CAMKMT: variants seen among roughly 807,000 people sequenced by gnomAD.
CAMKMT encodes the protein CaM KMT.
In CAMKMT, 53 loss-of-function variants were observed where a neutral mutation model predicts 48.0. That is an observed-to-expected ratio of 1.10 (90% confidence interval 0.89 to 1.39). The LOEUF is 1.39. Among genes scored for constraint, CAMKMT ranks in the 40% most tolerant of loss-of-function variants. CAMKMT has a pLI of 0.00. For synonymous variants in CAMKMT, 165 were observed against 152.3 expected, an observed-to-expected ratio of 1.08 and a Z score of -0.61; for missense variants, 428 against 402.7, an observed-to-expected ratio of 1.06 and a Z score of -0.54.
At chr2:44,636,823 C>T (rs1329365119) in intron 3 of CAMKMT, among the ~76,000 whole-genome samples, 1 of 152,082 alleles carries the variant, frequency 6.6e-6, no homozygotes, top group East Asian at 1.9e-4. Flanking sequence ...TTGTTTTTGT[C>T]GGTTTCCCCC....
chr2:44,441,216 G>A (rs777344564), intron 3 of CAMKMT, among the ~76,000 whole-genome samples: 1 of 151,936 alleles, frequency 6.6e-6, no homozygotes, highest in Non-Finnish European at 1.5e-5. Flanking sequence ...CTTGAAGTTC[G>A]TGCCTTTTCA....
At chr2:44,498,420 G>A (rs975176890) in intron 3 of CAMKMT, among the ~76,000 whole-genome samples, 19 of 152,326 alleles carry the variant, frequency 1.2e-4, no homozygotes, top group Middle Eastern at 3.4e-3. Flanking sequence ...CTTTGCTAGA[G>A]TAAATATGAG....
chr2:44,383,857 T>A (rs1390948800), intron 2 of CAMKMT, among the ~76,000 whole-genome samples: 2 of 152,212 alleles, frequency 1.3e-5, no homozygotes, highest in Non-Finnish European at 2.9e-5. Flanking sequence ...TACCACAGTT[T>A]CTTTATCCAC....
rs1222158575 is a variant in CAMKMT at position 44,660,747 on chromosome 2, A to G, written c.377-43536A>G. ...CTCAGCTTCCTGAGTAGCTGGGACTATGGGCACACACTACCATGCCTGGCA... is the reference window on the plus strand; with the variant it reads ...CTCAGCTTCCTGAGTAGCTGGGACTGTGGGCACACACTACCATGCCTGGCA... On this transcript the variant is annotated intron_variant, in intron 3 of 10. Transcript: ENST00000378494. 2.6e-5 allele frequency among the ~76,000 whole-genome samples: 4 copies of G among 152,120 alleles called. No homozygotes were observed. In the East Asian group the frequency reaches 7.8e-4, roughly 29 times the overall value.
At chr2:44,624,058 G>T (rs1301491056) in intron 3 of CAMKMT, among the ~76,000 whole-genome samples, 1 of 152,112 alleles carries the variant, frequency 6.6e-6, no homozygotes, top group East Asian at 1.9e-4. Context: ...CCCAACTGTT[G>T]ATAAAACAAA....
At chr2:44,628,309 T>A (rs1287556520) in intron 3 of CAMKMT, among the ~76,000 whole-genome samples, 2 of 152,158 alleles carry the variant, frequency 1.3e-5, no homozygotes, top group African/African-American at 4.8e-5. Context: ...TTAAGGTTTA[T>A]CAATTTTATT....
chr2:44,566,074 A>G (rs1033851136), intron 3 of CAMKMT, among the ~76,000 whole-genome samples: 3 of 152,236 alleles, frequency 2.0e-5, no homozygotes, highest in African/African-American at 7.2e-5. Context: ...TCAATTAAAC[A>G]TTTGTAAAAA....
intron 3 of CAMKMT, among the ~76,000 whole-genome samples, chr2:44,478,927 C>T (rs1365728703): frequency 1.3e-5 from 2 of 152,136 alleles, no homozygotes; most frequent in Non-Finnish European, 2.9e-5. Context: ...TCTCGATCTC[C>T]TGACCTCGTG....
chr2:44,660,717 C>G (rs932302598), intron 3 of CAMKMT, among the ~76,000 whole-genome samples: 4 of 152,122 alleles, frequency 2.6e-5, no homozygotes, highest in Non-Finnish European at 2.9e-5. Context: ...AGGTGATCCT[C>G]TCACCTCAGC....
At chr2:44,660,507 A>T (rs974088574) in intron 3 of CAMKMT, among the ~76,000 whole-genome samples, 12 of 152,354 alleles carry the variant, frequency 7.9e-5, no homozygotes, top group African/African-American at 2.9e-4. Context: ...ACTAAGTTTT[A>T]AAAAATATGC....
At chr2:44,741,151 T>C (rs918325026) in intron 7 of CAMKMT, among the ~76,000 whole-genome samples, 6 of 152,254 alleles carry the variant, frequency 3.9e-5, no homozygotes, top group African/African-American at 1.2e-4. Flanking sequence ...CTTTGTGTTT[T>C]TAATCTCATT....
intron 3 of CAMKMT, among the ~76,000 whole-genome samples, chr2:44,461,365 A>G (rs1192239621): frequency 5.3e-5 from 8 of 152,194 alleles, no homozygotes; most frequent in Admixed American, 1.3e-4. Context: ...AGAAGGTACT[A>G]TTATTCCCAG....
At chr2:44,681,729 T>C (rs1474635297) in intron 3 of CAMKMT, among the ~76,000 whole-genome samples, 1 of 152,208 alleles carries the variant, frequency 6.6e-6, no homozygotes, top group African/African-American at 2.4e-5. Flanking sequence ...GAGCCCTAAA[T>C]GTTGGCCCTT....
chr2:44,551,373 TG>T (rs1431083662), intron 3 of CAMKMT, among the ~76,000 whole-genome samples: 1 of 152,188 alleles, frequency 6.6e-6, no homozygotes, highest in Admixed American at 6.6e-5. Context: ...TTGGAAGGAT[TG>T]GAAGTTCTAA....
At chr2:44,769,256 C>G (rs1680999074) in intron 10 of CAMKMT, among the ~76,000 whole-genome samples, 1 of 152,102 alleles carries the variant, frequency 6.6e-6, no homozygotes, top group Admixed American at 6.6e-5. Context: ...ATTTTATTTC[C>G]GTTAAAAAGC....
chr2:44,488,183 G>T (rs1202238649), intron 3 of CAMKMT, among the ~76,000 whole-genome samples: 1 of 152,134 alleles, frequency 6.6e-6, no homozygotes, highest in East Asian at 1.9e-4. Context: ...GTGTAAGTTT[G>T]CCAGTATATA....
intron 3 of CAMKMT, among the ~76,000 whole-genome samples, chr2:44,673,062 T>C (rs1020591717): frequency 2.0e-5 from 3 of 152,098 alleles, no homozygotes; most frequent in African/African-American, 7.2e-5. Context: ...TTCCTCCATA[T>C]ATATGATTTT....
intron 3 of CAMKMT, among the ~76,000 whole-genome samples, chr2:44,671,731 T>C (rs996169687): frequency 4.6e-5 from 7 of 152,290 alleles, no homozygotes; most frequent in African/African-American, 1.4e-4. Context: ...AAATTTCAAC[T>C]CCCCAAGCCC....
At chr2:44,611,168 A>C (rs946931242) in intron 3 of CAMKMT, among the ~76,000 whole-genome samples, 1 of 152,188 alleles carries the variant, frequency 6.6e-6, no homozygotes, top group Non-Finnish European at 1.5e-5. Context: ...ATGGTGGCTC[A>C]TGCCTGTAAT....
Sources: allele counts gnomAD v4.1 joint callset (sites outside exome capture counted in the v4.1 genomes callset), GRCh38; gene constraint gnomAD v4.1.1; transcripts MANE v1.5; gene names NCBI Gene and HGNC (gene_info 2026-07-23, HGNC 2026-07-21).